The following SYT9 variants were observed in gnomAD, a reference collection of about 807,000 sequenced individuals.
SYT9 encodes the protein synaptotagmin 9, also known as synaptotagmin-9.
A neutral mutation model predicts 48.4 loss-of-function variants in SYT9; 22 were observed. The ratio of observed to expected loss-of-function variants is 0.45; its 90% confidence interval spans 0.32 to 0.65. SYT9 has a LOEUF of 0.65. Among genes scored for constraint, SYT9 ranks in the 30% least tolerant of loss-of-function variants. SYT9 has a pLI of 0.03. For synonymous variants in SYT9, 265 were observed against 245.0 expected (o/e 1.08, Z -0.76); for missense variants, 577 against 622.0 (o/e 0.93, Z 0.77).
In SYT9 at chr11:7,449,146, C is replaced by A. The variant is rs1415091515; in HGVS notation, c.1468-17646C>A. ...ATCACTTGAAATCAGGAGTTTGAGACCAGCCTAGACAACATGGCAAAACCC... is the reference window on the plus strand; with the variant it reads ...ATCACTTGAAATCAGGAGTTTGAGAACAGCCTAGACAACATGGCAAAACCC... On this transcript the variant is annotated intron_variant, in intron 6 of 6. Coordinates refer to ENST00000318881, the MANE Select transcript of SYT9 (RefSeq NM_175733.4). Among the ~76,000 whole-genome samples the A allele has an allele frequency of 3.3e-5, 5 of 151,936 alleles. No individual in the cohort carries two copies. The South Asian group carries it at 1.0e-3, about 32-fold the overall frequency.
chr11:7,386,630 T>C (rs944162825), intron 3 of SYT9, among the ~76,000 whole-genome samples: 73 of 152,238 alleles, frequency 4.8e-4, no homozygotes, highest in Middle Eastern at 3.4e-3. Context: ...ATGGCGATCA[T>C]TAAAATGTCA....
rs985200260 is a variant in SYT9 at position 7,420,643 on chromosome 11, C to T, written c.1467+8C>T. ...TGGCATTCCCTGGTGGAGGTAAGAC[C>T]CTAATCCACATGCTCCACTTTGCAT... On this transcript the variant is annotated splice_region_variant and intron_variant, in intron 6 of 6. Transcript: ENST00000318881. The T allele has an allele frequency of 6.2e-7, 1 of 1,613,996 alleles. No homozygotes were observed. Among genetic ancestry groups the T allele is most frequent in the Non-Finnish European group, 8.5e-7 (1 of 1,179,952 alleles).
chr11:7,420,037 A>G (rs1847321404), intron 5 of SYT9, among the ~76,000 whole-genome samples: 1 of 152,210 alleles, frequency 6.6e-6, no homozygotes, highest in Non-Finnish European at 1.5e-5. Flanking sequence ...AAAGAGAGGA[A>G]GCAGGAAGAT....
Position 7,303,187 on chromosome 11 carries a change from C to A in SYT9, c.294C>A (p.Pro98=). 6.2e-7 allele frequency: 1 copy of A among 1,614,126 alleles called. No individual in the cohort carries two copies. The highest frequency in any genetic ancestry group is 8.5e-7 in the Non-Finnish European group (1 of 1,180,022). The change falls in exon 2 of 7, where the codon CCC becomes CCA. Residue 98 remains proline, a synonymous_variant. Transcript: ENST00000318881. ...PSGSKDNNQE[P]LNYMDTETNE... is the part of the protein sequence containing the mutation. ...GTAGCAAAGACAACAACCAGGAGCC[C>A]CTTAACTACATGGACACAGAGACCA...
At chr11:7,438,858 C>T (rs1206055505) in intron 6 of SYT9, 1 of 152,358 alleles carries the variant, frequency 6.6e-6, no homozygotes, top group Non-Finnish European at 1.5e-5. Flanking sequence ...TGTCGCACTT[C>T]TGTTCAGACT....
intron 3 of SYT9, among the ~76,000 whole-genome samples, chr11:7,358,311 T>C (rs773047149): frequency 1.3e-5 from 2 of 152,158 alleles, no homozygotes. Context: ...AAAAATGCTA[T>C]TGGTTTTTGA....
At chr11:7,298,636 C>T (rs1461990829) in intron 1 of SYT9, among the ~76,000 whole-genome samples, 1 of 145,934 alleles carries the variant, frequency 6.9e-6, no homozygotes, top group Non-Finnish European at 1.5e-5. Context: ...CAGTAATCAC[C>T]GTCACTCTAA....
chr11:7,441,017 G>C (rs1057095689), intron 6 of SYT9: 3 of 152,240 alleles, frequency 2.0e-5, no homozygotes, highest in African/African-American at 4.8e-5. Context: ...TTGAATCCTA[G>C]ATGTAAGTGA....
chr11:7,363,221 C>G (rs1850179518), intron 3 of SYT9, among the ~76,000 whole-genome samples: 1 of 152,030 alleles, frequency 6.6e-6, no homozygotes, highest in African/African-American at 2.4e-5. Context: ...TACAGAATGA[C>G]TTCACTGGAC....
At chr11:7,397,876 A>G (rs1321403578) in intron 3 of SYT9, among the ~76,000 whole-genome samples, 1 of 152,146 alleles carries the variant, frequency 6.6e-6, no homozygotes, top group Non-Finnish European at 1.5e-5. Flanking sequence ...TTTTAGTAGC[A>G]TTATTTATAT....
Position 7,442,579 on chromosome 11 carries a change from C to T in SYT9, c.1467+21944C>T, listed in dbSNP as rs1015199850. On this transcript the variant is annotated intron_variant, in intron 6 of 6. Transcript: ENST00000318881. ...GCACTGGGCACCCACTTCTGCAGCT[C>T]CCCACTCAAATTGGTCCCCCTCCTT... Among the ~76,000 whole-genome samples the T allele has an allele frequency of 3.3e-5, 5 of 152,294 alleles. No homozygotes were observed. The Middle Eastern group carries it at 0.01, about 311-fold the overall frequency.
At position 7,428,890 on chromosome 11, in the gene SYT9, TA is replaced by T. The variant is rs142060878; in HGVS notation, c.1467+8258del. On this transcript the variant is annotated intron_variant, in intron 6 of 6. Transcript: ENST00000318881. ...CTGGGATTCAAAGAGTCTTGGGGTGTAAACTGTTGATGCTTTCTAAGGAATA... is the reference window on the plus strand; with the variant it reads ...CTGGGATTCAAAGAGTCTTGGGGTGTAACTGTTGATGCTTTCTAAGGAATA... Among the ~76,000 whole-genome samples the T allele has an allele frequency of 5.1e-3, 770 of 152,264 alleles. 8 individuals carry two copies. Among genetic ancestry groups the T allele is most frequent in the African/African-American group, 0.018 (738 of 41,538 alleles).
chr11:7,440,609 A>G (rs912871786), intron 6 of SYT9: 4 of 152,246 alleles, frequency 2.6e-5, no homozygotes, highest in African/African-American at 9.6e-5. Context: ...GAGTGGAACA[A>G]TGAAAGATGT....
chr11:7,277,008 C>A (rs142112809), intron 1 of SYT9, among the ~76,000 whole-genome samples: 1 of 151,996 alleles, frequency 6.6e-6, no homozygotes, highest in Non-Finnish European at 1.5e-5. Context: ...GAGCCGAGAT[C>A]GCGCCACTGC....
chr11:7,297,673 T>C lies in SYT9; in HGVS notation c.146-5366T>C, dbSNP rs553047137. The stretch of plus-strand genomic sequence containing the variant: ...ACAGTTTCTCATGTACACTGTGTTT[T>C]CTGCCTCATTTTAATCTCCTACATT... On this transcript the variant is annotated intron_variant, in intron 1 of 6. Coordinates refer to ENST00000318881, the MANE Select transcript of SYT9 (RefSeq NM_175733.4). 7.9e-4 allele frequency among the ~76,000 whole-genome samples: 121 copies of C among 152,308 alleles called. 1 individual carries two copies. Among genetic ancestry groups the C allele is most frequent in the Middle Eastern group, 3.4e-3 (1 of 294 alleles).
intron 1 of SYT9, among the ~76,000 whole-genome samples, chr11:7,277,170 A>T (rs567685416): frequency 6.6e-6 from 1 of 152,322 alleles, no homozygotes; most frequent in South Asian, 2.1e-4. Context: ...TTATCTTTTT[A>T]TTCTCTTCAT....
intron 3 of SYT9, among the ~76,000 whole-genome samples, chr11:7,386,798 G>T (rs1402170874): frequency 6.6e-6 from 1 of 152,166 alleles, no homozygotes; most frequent in Non-Finnish European, 1.5e-5. Context: ...CCATTACTGG[G>T]TATATACCCA....
intron 6 of SYT9, among the ~76,000 whole-genome samples, chr11:7,462,138 A>G (rs1329198722): frequency 1.3e-5 from 2 of 152,244 alleles, no homozygotes; most frequent in African/African-American, 4.8e-5. Context: ...TTCTGGGCAT[A>G]GCACTTAAGA....
intron 3 of SYT9, among the ~76,000 whole-genome samples, chr11:7,360,491 A>C (rs925895606): frequency 6.6e-6 from 1 of 152,138 alleles, no homozygotes; most frequent in African/African-American, 2.4e-5. Flanking sequence ...TGAGCATGGA[A>C]TGTTCTTCCA....
Sources: allele counts gnomAD v4.1 joint callset (sites outside exome capture counted in the v4.1 genomes callset), GRCh38; gene constraint gnomAD v4.1.1; transcripts MANE v1.5; gene names NCBI Gene and HGNC (gene_info 2026-07-23, HGNC 2026-07-21).